Variants in AP3B2 observed in about 807,000 individuals in gnomAD.
AP3B2 encodes adaptor related protein complex 3 subunit beta 2.
AP3B2 carries 50 observed loss-of-function variants against 126.9 expected under a neutral mutation model. That is an observed-to-expected ratio of 0.39 (90% confidence interval 0.31 to 0.50). The LOEUF (loss-of-function observed/expected upper bound fraction) is 0.50, where lower values mean the gene tolerates loss of function less well. Among genes scored for constraint, AP3B2 ranks in the 20% least tolerant of loss-of-function variants. AP3B2 has a pLI of 0.79. For missense variants in AP3B2, 1,177 were observed against 1,426.4 expected (o/e 0.83, Z 2.82); for synonymous variants, 541 against 565.0 (o/e 0.96, Z 0.60).
At chr15:82,685,859 C>G (rs1275948644) in intron 4 of AP3B2, 1 of 152,178 alleles carries the variant, frequency 6.6e-6, no homozygotes, top group Admixed American at 6.5e-5. Flanking sequence ...TGTTTTATCT[C>G]TGTGTCACCC....
chr15:82,666,684 C>T, intron 15 of AP3B2, 63 bp downstream of exon 15: 1 of 1,549,260 alleles, frequency 6.5e-7, no homozygotes, highest in South Asian at 1.2e-5. Context: ...AGGTCTGGGG[C>T]AGAGACTCTG....
At chr15:82,683,483 A>G (rs764090771) in intron 4 of AP3B2, among the ~76,000 whole-genome samples, 6 of 152,124 alleles carry the variant, frequency 3.9e-5, no homozygotes, top group Non-Finnish European at 8.8e-5. Flanking sequence ...TTCTACTTCT[A>G]CTTCTAGGTA....
intron 14 of AP3B2, among the ~76,000 whole-genome samples, chr15:82,674,014 C>G (rs557907977): frequency 6.6e-6 from 1 of 152,146 alleles, no homozygotes; most frequent in African/African-American, 2.4e-5. Flanking sequence ...CCCCCCATCC[C>G]CCGCCACCTG....
chr15:82,709,402 C>G (rs918641960), intron 1 of AP3B2, among the ~76,000 whole-genome samples, 192 bp downstream of exon 1: 2 of 151,680 alleles, frequency 1.3e-5, no homozygotes, highest in African/African-American at 2.4e-5. Flanking sequence ...TAGGCCGGCC[C>G]CTGGAGCCGG....
chr15:82,674,447 A>G (rs988955116), intron 14 of AP3B2, among the ~76,000 whole-genome samples: 9 of 152,154 alleles, frequency 5.9e-5, no homozygotes, highest in Admixed American at 3.9e-4. Context: ...GTGAGTGTCC[A>G]TTTGCCTGAA....
Position 82,665,658 on chromosome 15 carries a change from G to A in AP3B2, c.1853-83C>T. On this transcript the variant is annotated intron_variant, in intron 15 of 26. Transcript: ENST00000535359. The surrounding 1 kb of genome is among the most constrained non-coding windows in gnomAD (Gnocchi z 4.4). ...TGTTTTCCAGGTGGGGCTGGGTGGTGATTCTGGTTGGGACTTCCCAGGTGG... is the reference window on the plus strand; with the variant it reads ...TGTTTTCCAGGTGGGGCTGGGTGGTAATTCTGGTTGGGACTTCCCAGGTGG... 8.6e-7 allele frequency: 1 copy of A among 1,157,508 alleles called. No individual in the cohort carries two copies. Among genetic ancestry groups the A allele is most frequent in the South Asian group, 1.3e-5 (1 of 75,004 alleles). 71.7% of individuals were successfully genotyped at this position (1,157,508 alleles called of 1,614,324 possible).
intron 1 of AP3B2, among the ~76,000 whole-genome samples, chr15:82,697,264 G>A (rs1224196628): frequency 6.6e-6 from 1 of 152,104 alleles, no homozygotes; most frequent in Non-Finnish European, 1.5e-5. Flanking sequence ...AACCCAGGAG[G>A]TGGAGCTTGC....
chr15:82,664,012 G>A lies in AP3B2; in HGVS notation c.2262-37C>T. The A allele has an allele frequency of 2.5e-6, 4 of 1,581,388 alleles. No individual in the cohort carries two copies. The Admixed American group carries it at 5.2e-5, about 21-fold the overall frequency. On this transcript the variant is annotated intron_variant, in intron 19 of 26. Transcript: ENST00000535359. This position sits in a 1 kb window ranked among gnomAD's most constrained non-coding sequence, Gnocchi z 4.5. ...GGAAAGGTTGGCTCAGGCCTGGCCT[G>A]GACACTCCCTCCTTGCTTCACAGAA...
chr15:82,700,396 G>GTTTTTTTTTTTTT (rs1567275643), intron 1 of AP3B2, among the ~76,000 whole-genome samples: 1 of 11,268 alleles, frequency 8.9e-5, no homozygotes, highest in African/African-American at 3.2e-4. Context: ...GTGGTGGGTG[G>GTTTTTTTTTTTTT]CTTTTTTTTT....
chr15:82,698,818 C>G (rs2048669985), intron 1 of AP3B2, among the ~76,000 whole-genome samples: 1 of 152,106 alleles, frequency 6.6e-6, no homozygotes, highest in Non-Finnish European at 1.5e-5. Context: ...TCCTCCCCAC[C>G]CAGCCTAGTG....
intron 4 of AP3B2, among the ~76,000 whole-genome samples, chr15:82,682,047 CTTT>C (rs769028602): frequency 1.6e-4 from 13 of 79,916 alleles, no homozygotes; most frequent in African/African-American, 5.5e-4. Flanking sequence ...TAGGCCCTTC[CTTT>C]TTTTTTTTTT....
intron 4 of AP3B2, among the ~76,000 whole-genome samples, chr15:82,684,577 T>C (rs2048395739): frequency 6.6e-6 from 1 of 152,352 alleles, no homozygotes; most frequent in Non-Finnish European, 1.5e-5. Flanking sequence ...TTATCATTCA[T>C]GTGTTTACTG....
chr15:82,692,129 C>G, intron 1 of AP3B2: 1 of 1,495,640 alleles, frequency 6.7e-7, no homozygotes, highest in African/African-American at 1.4e-5. Flanking sequence ...TCCTGGAGAA[C>G]TCCACACGAA....
chr15:82,689,586 G>A, intron 1 of AP3B2, 133 bp from the exon 2 acceptor site: 1 of 728,358 alleles, frequency 1.4e-6, no homozygotes, highest in Non-Finnish European at 2.3e-6. Context: ...AGGGACCAGA[G>A]CCAGGGGGAA....
chr15:82,703,157 T>C (rs1424385332), intron 1 of AP3B2, among the ~76,000 whole-genome samples: 1 of 152,198 alleles, frequency 6.6e-6, no homozygotes, highest in Non-Finnish European at 1.5e-5. Flanking sequence ...GGACGCCTGC[T>C]TGATTATTCA....
chr15:82,707,475 A>G (rs574755932), intron 1 of AP3B2, among the ~76,000 whole-genome samples: 224 of 152,272 alleles, frequency 1.5e-3, no homozygotes, highest in African/African-American at 5.0e-3. Flanking sequence ...CTGACTAGTC[A>G]TACTCCTATT....
intron 23 of AP3B2, 148 bp from the exon 24 acceptor site, chr15:82,662,400 T>TC: frequency 1.4e-6 from 1 of 707,632 alleles, no homozygotes; most frequent in Non-Finnish European, 2.4e-6. Flanking sequence ...TGGAGACTGT[T>TC]CCCGGTTTCC....
intron 1 of AP3B2, among the ~76,000 whole-genome samples, chr15:82,708,180 GC>G (rs2048826412): frequency 1.3e-5 from 2 of 152,108 alleles, no homozygotes; most frequent in South Asian, 4.2e-4. Context: ...GCTCATCCTG[GC>G]TCAAAAGCTC....
Position 82,681,046 on chromosome 15 carries a change from T to C in AP3B2, c.589-27A>G, listed in dbSNP as rs1041181316. ...TGGGGAAAGAACAAAGACGAGAGGG[T>C]GAACGCGAAGGGTGGAAGGCCGGCT... On this transcript the variant is annotated intron_variant, in intron 6 of 26. Transcript: ENST00000535359. The surrounding 1 kb of genome is among the most constrained non-coding windows in gnomAD (Gnocchi z 4.0). The C allele has an allele frequency of 6.2e-7, 1 of 1,613,144 alleles. No individual in the cohort carries two copies. Among genetic ancestry groups the C allele is most frequent in the Non-Finnish European group, 8.5e-7 (1 of 1,179,790 alleles).
Sources: allele counts gnomAD v4.1 joint callset (sites outside exome capture counted in the v4.1 genomes callset), GRCh38; gene constraint gnomAD v4.1.1; non-coding constraint Gnocchi (gnomAD v3.1); transcripts MANE v1.5; gene names NCBI Gene and HGNC (gene_info 2026-07-23, HGNC 2026-07-21).